Variants in STK32B observed in about 807,000 individuals in gnomAD.
STK32B encodes serine/threonine-protein kinase 32B.
Under a neutral mutation model 52.6 loss-of-function variants are expected in STK32B, and 43 were observed. The ratio of observed to expected loss-of-function variants is 0.82; its 90% CI spans 0.64 to 1.05. The LOEUF is 1.05. STK32B is among the 50% of genes least tolerant of loss of function. The probability of loss-of-function intolerance (pLI) is 0.00; values close to 1 mark genes in which losing one functional copy is unlikely to be tolerated. For synonymous variants in STK32B, 238 were observed against 204.3 expected, an observed-to-expected ratio of 1.17 and a Z score of -1.41; for missense variants, 621 against 534.6, an observed-to-expected ratio of 1.16 and a Z score of -1.59.
At chr4:5,488,093 T>C (rs547939889) in intron 11 of STK32B, among the ~76,000 whole-genome samples, 2 of 152,100 alleles carry the variant, frequency 1.3e-5, no homozygotes, top group Non-Finnish European at 2.9e-5. Flanking sequence ...TATTCTTATA[T>C]GGTCAGACCA....
intron 1 of STK32B, among the ~76,000 whole-genome samples, chr4:5,136,828 A>G (rs1716107978): frequency 6.6e-6 from 1 of 152,198 alleles, no homozygotes; most frequent in Admixed American, 6.5e-5. Context: ...GTGTCAGTGT[A>G]GTACACCCCA....
At chr4:5,099,140 C>T (rs531652768) in intron 1 of STK32B, among the ~76,000 whole-genome samples, 1 of 152,266 alleles carries the variant, frequency 6.6e-6, no homozygotes, top group South Asian at 2.1e-4. Context: ...TCATGACCTC[C>T]TGTCTTCAAA....
intron 4 of STK32B, among the ~76,000 whole-genome samples, chr4:5,374,410 A>G (rs1157067251): frequency 1.1e-4 from 16 of 152,248 alleles, no homozygotes; most frequent in Admixed American, 7.8e-4. Flanking sequence ...CTTAAAGAGG[A>G]AAGAGTTTGT....
intron 2 of STK32B, among the ~76,000 whole-genome samples, chr4:5,155,377 G>T (rs1048257471): frequency 6.6e-6 from 1 of 152,306 alleles, no homozygotes; most frequent in Admixed American, 6.5e-5. Flanking sequence ...TTTGAGGGCA[G>T]CAATGTTTCC....
At chr4:5,189,331 C>T (rs1721000598) in intron 3 of STK32B, among the ~76,000 whole-genome samples, 1 of 152,194 alleles carries the variant, frequency 6.6e-6, no homozygotes, top group South Asian at 2.1e-4. Flanking sequence ...TCCCCTCCAC[C>T]CTGGCAACAA....
rs1295621845 is a variant in STK32B at position 5,142,014 on chromosome 4, T to C, written c.108+2054T>C. 2.0e-5 allele frequency among the ~76,000 whole-genome samples: 3 copies of C among 152,284 alleles called. No homozygotes were observed. In the East Asian group the frequency reaches 5.8e-4, roughly 30 times the overall value. On this transcript the variant is annotated intron_variant, in intron 2 of 11. Transcript: ENST00000282908. ...TATAATTGGTCACATGACCACTGCT[T>C]CCTACTGAGGGAAGCATCTTCCATC...
intron 1 of STK32B, among the ~76,000 whole-genome samples, chr4:5,108,703 G>A (rs1169931213): frequency 6.6e-6 from 1 of 152,184 alleles, no homozygotes; most frequent in Non-Finnish European, 1.5e-5. Flanking sequence ...CGCAGAGTCG[G>A]TAGTTCAAGT....
intron 3 of STK32B, among the ~76,000 whole-genome samples, chr4:5,294,368 TG>T (rs1420869227): frequency 6.6e-6 from 1 of 152,178 alleles, no homozygotes; most frequent in African/African-American, 2.4e-5. Context: ...TTGGGCAGTA[TG>T]GCCATTTTCA....
chr4:5,212,275 A>C (rs919268881), intron 3 of STK32B, among the ~76,000 whole-genome samples: 4 of 152,218 alleles, frequency 2.6e-5, no homozygotes, highest in African/African-American at 9.6e-5. Flanking sequence ...AACATGTCTA[A>C]CATGACACAG....
Position 5,317,700 on chromosome 4 carries a change from C to G in STK32B, c.261-13520C>G, listed in dbSNP as rs140550651. On this transcript the variant is annotated intron_variant, in intron 3 of 11. Transcript: ENST00000282908. ...GACAAGGTGCCATCTGCAAAGAGCTCCTATTCTTGTTTGGGAGGCTTCTTG... is the reference window on the plus strand; with the variant it reads ...GACAAGGTGCCATCTGCAAAGAGCTGCTATTCTTGTTTGGGAGGCTTCTTG... Among the ~76,000 whole-genome samples the G allele has an allele frequency of 5.7e-4, 86 of 150,062 alleles. 1 individual carries two copies. In the East Asian group the frequency reaches 0.015, roughly 26 times the overall value.
chr4:5,436,089 C>T (rs565608841), intron 6 of STK32B, among the ~76,000 whole-genome samples: 1 of 152,178 alleles, frequency 6.6e-6, no homozygotes, highest in African/African-American at 2.4e-5. Context: ...CAGCTTGGGG[C>T]CTCAGTGCTG....
At position 5,154,549 on chromosome 4, in the gene STK32B, G is replaced by A. The variant is rs574951061; in HGVS notation, c.109-13750G>A. Among the ~76,000 whole-genome samples the A allele has an allele frequency of 1.4e-4, 22 of 152,288 alleles. No individual in the cohort carries two copies. In the South Asian group the frequency reaches 4.1e-3, roughly 29 times the overall value. ...GTCTTCTTGAAGCCAGCATGGCTAG[G>A]ATTTTACTTGGCTTGGTGGGTTCTA... On this transcript the variant is annotated intron_variant, in intron 2 of 11. Coordinates refer to ENST00000282908, the MANE Select transcript of STK32B (RefSeq NM_018401.3).
rs142495789 is a variant in STK32B at position 5,323,113 on chromosome 4, C to T, written c.261-8107C>T. On this transcript the variant is annotated intron_variant, in intron 3 of 11. Transcript: ENST00000282908. ...GGTCTGTGAAGAGCACCTCTCCTCC[C>T]TTCTCGATTTTAGGACTAATTGAGA... 2.5e-3 allele frequency among the ~76,000 whole-genome samples: 380 copies of T among 152,268 alleles called. 5 individuals are homozygous for T. The highest frequency in any genetic ancestry group is 8.7e-3 in the African/African-American group (362 of 41,558).
intron 1 of STK32B, among the ~76,000 whole-genome samples, chr4:5,100,430 C>A (rs536634492): frequency 1.5e-5 from 2 of 133,898 alleles, no homozygotes; most frequent in African/African-American, 5.8e-5. Context: ...GCCTTCCTTC[C>A]CTCCTTCCTC....
chr4:5,024,406 A>G, the STK32B span, among the ~76,000 whole-genome samples: 3 of 152,090 alleles, frequency 2.0e-5, no homozygotes, highest in East Asian at 5.8e-4. Flanking sequence ...CCCTACTACA[A>G]TTTTGTACTT....
At chr4:5,402,272 G>A (rs530431307) in intron 5 of STK32B, among the ~76,000 whole-genome samples, 73 of 152,326 alleles carry the variant, frequency 4.8e-4, no homozygotes, top group African/African-American at 1.7e-3. Flanking sequence ...TGCCTAACAG[G>A]AGGGTGATGG....
rs554957833 is a variant in STK32B, at chr4:5,357,402, A to G, written c.434+26009A>G. ...GTTGGCCTAGGGAGGCAGGTGTGTG[A>G]TGACAACTACAGTTGATTTGGGAGG... On this transcript the variant is annotated intron_variant, in intron 4 of 11. Transcript: ENST00000282908. Among the ~76,000 whole-genome samples the G allele has an allele frequency of 2.6e-5, 4 of 152,130 alleles. No homozygotes were observed. In the East Asian group the frequency reaches 7.8e-4, roughly 30 times the overall value.
intron 3 of STK32B, among the ~76,000 whole-genome samples, chr4:5,257,127 ATGAG>A (rs1028119378): frequency 7.9e-5 from 12 of 151,886 alleles, no homozygotes; most frequent in Admixed American, 7.9e-4. Context: ...GTGAGGGTGA[ATGAG>A]TGAGTGGGTG....
chr4:5,251,125 C>T (rs1351509177), intron 3 of STK32B, among the ~76,000 whole-genome samples: 1 of 152,136 alleles, frequency 6.6e-6, no homozygotes, highest in Non-Finnish European at 1.5e-5. Context: ...ATCATGAAAC[C>T]TTTTCTAGGC....
Sources: gnomAD v4.1 joint callset for allele counts (sites outside exome capture counted in the v4.1 genomes callset) on GRCh38, gnomAD v4.1.1 for gene constraint, MANE v1.5 for transcripts, NCBI Gene and HGNC (gene_info 2026-07-23, HGNC 2026-07-21) for gene names.